The following ADAMTSL1 variants were observed in gnomAD, a reference collection of about 807,000 sequenced individuals.
The protein encoded by ADAMTSL1 is ADAMTS like 1, also known as ADAMTS-like protein 1.
Under a neutral mutation model 201.8 loss-of-function variants are expected in ADAMTSL1, and 126 were observed. The ratio of observed to expected loss-of-function variants is 0.62; its 90% CI spans 0.54 to 0.72. ADAMTSL1 has a LOEUF of 0.72. Ranked by LOEUF, ADAMTSL1 falls within the 30% of genes least tolerant of loss-of-function variation. The pLI, the probability that ADAMTSL1 is intolerant of heterozygous loss-of-function variation, is 0.00. For synonymous variants in ADAMTSL1, 1,121 were observed against 903.4 expected (o/e 1.24, Z -4.32); for missense variants, 2,679 against 2,277.8 (o/e 1.18, Z -3.59).
Position 18,793,210 on chromosome 9 carries a change from T to C in ADAMTSL1, c.3678-2187T>C, listed in dbSNP as rs192749088. 9.8e-5 allele frequency: 15 copies of C among 152,350 alleles called. No individual in the cohort carries two copies. In the East Asian group the frequency reaches 1.9e-3, roughly 20 times the overall value. 9.4% of individuals were successfully genotyped at this position (152,350 alleles called of 1,614,324 possible). On this transcript the variant is annotated intron_variant, in intron 19 of 28. Coordinates refer to ENST00000380548, the MANE Select transcript of ADAMTSL1 (RefSeq NM_001040272.6). ...CTAGAGCTGCCCATATATAACTCGA[T>C]TGATTGATGGAAGCCTTACTTCTAC... is the stretch of plus-strand genomic sequence containing the variant.
intron 2 of ADAMTSL1, among the ~76,000 whole-genome samples, chr9:18,224,951 C>G (rs66723320): frequency 0.055 from 8,380 of 152,008 alleles, 269 homozygotes; most frequent in Middle Eastern, 0.11. Context: ...TTATAAATAC[C>G]TCATTATCAG....
intron 2 of ADAMTSL1, among the ~76,000 whole-genome samples, chr9:18,436,353 C>T (rs184850566): frequency 6.6e-6 from 1 of 152,308 alleles, no homozygotes; most frequent in East Asian, 1.9e-4. Flanking sequence ...ATCCCATGCA[C>T]CTCCTCAAGC....
chr9:18,051,941 C>G lies in ADAMTSL1; in HGVS notation c.88-111921C>G, dbSNP rs140950633. Among the ~76,000 whole-genome samples, 671 of 152,326 alleles carry G rather than the reference C, an allele frequency of 4.4e-3. 10 individuals carry two copies. The highest frequency in any genetic ancestry group is 0.015 in the African/African-American group (642 of 41,564). On this transcript the variant is annotated intron_variant, in intron 1 of 29. Transcript: ENST00000680146. ...AGTGTTTCTTTCACTTTATTGGTTA[C>G]CTGAGTCTGTGGATATAGGGAAGCA...
At chr9:18,858,550 C>T (rs541966936) in intron 23 of ADAMTSL1, among the ~76,000 whole-genome samples, 59 of 152,296 alleles carry the variant, frequency 3.9e-4, no homozygotes, top group South Asian at 2.1e-3. Flanking sequence ...TGAACAGAAA[C>T]CCTATTGTTT....
chr9:18,198,892 A>G (rs1391124289), intron 2 of ADAMTSL1, among the ~76,000 whole-genome samples: 1 of 142,440 alleles, frequency 7.0e-6, no homozygotes, highest in Non-Finnish European at 1.5e-5. Flanking sequence ...GGATTAAGAA[A>G]ATGTGGCACA....
intron 1 of ADAMTSL1, among the ~76,000 whole-genome samples, chr9:17,927,999 T>C (rs4007671): frequency 0.86 from 105,994 of 123,866 alleles, 44,199 homozygotes; most frequent in East Asian, 0.93. Context: ...TTCTTTCTTT[T>C]TTTTTTTTTT....
intron 1 of ADAMTSL1, among the ~76,000 whole-genome samples, chr9:17,938,193 A>C (rs1472098045): frequency 6.6e-6 from 1 of 152,164 alleles, no homozygotes; most frequent in Admixed American, 6.5e-5. Flanking sequence ...GGGTGTGTGC[A>C]TAAGCTGAGC....
chr9:18,473,314 A>T (rs1330442028), upstream of ADAMTSL1, among the ~76,000 whole-genome samples: 1 of 152,170 alleles, frequency 6.6e-6, no homozygotes, highest in Non-Finnish European at 1.5e-5. Flanking sequence ...AGTGCATCAA[A>T]ACCAGGCTGC....
chr9:18,198,034 C>T (rs1829264302), intron 2 of ADAMTSL1, among the ~76,000 whole-genome samples: 1 of 152,218 alleles, frequency 6.6e-6, no homozygotes, highest in South Asian at 2.1e-4. Context: ...ATGAATGGTG[C>T]TGGGAAAACT....
intron 23 of ADAMTSL1, among the ~76,000 whole-genome samples, chr9:18,880,647 C>A (rs924632297): frequency 3.3e-5 from 5 of 152,176 alleles, no homozygotes; most frequent in African/African-American, 9.7e-5. Flanking sequence ...TTATAGAGCA[C>A]AGGCAGATTA....
chr9:18,770,454 A>G, intron 16 of ADAMTSL1, 148 bp from the exon 17 acceptor site: 1 of 819,492 alleles, frequency 1.2e-6, no homozygotes, highest in East Asian at 2.7e-5. Flanking sequence ...GAGAAGAAAC[A>G]AAATCCTTTG....
At chr9:18,632,120 C>A (rs1219721343) in intron 5 of ADAMTSL1, among the ~76,000 whole-genome samples, 1 of 152,190 alleles carries the variant, frequency 6.6e-6, no homozygotes, top group Non-Finnish European at 1.5e-5. Flanking sequence ...ACCAAGGAGG[C>A]AGGTGTTGCC....
chr9:18,393,962 T>G (rs1255442834), intron 2 of ADAMTSL1, among the ~76,000 whole-genome samples: 1 of 152,202 alleles, frequency 6.6e-6, no homozygotes, highest in Non-Finnish European at 1.5e-5. Flanking sequence ...GTAAGCCAGT[T>G]TAAATAAGGT....
chr9:18,027,195 T>C (rs1000300687), intron 1 of ADAMTSL1, among the ~76,000 whole-genome samples: 2 of 151,850 alleles, frequency 1.3e-5, no homozygotes, highest in Non-Finnish European at 2.9e-5. Flanking sequence ...TGTATAGATT[T>C]TTGGGTCTGT....
intron 23 of ADAMTSL1, among the ~76,000 whole-genome samples, chr9:18,855,127 C>T (rs1826760159): frequency 6.6e-6 from 1 of 152,142 alleles, no homozygotes. Flanking sequence ...GTTTTCCATT[C>T]CACAGAGCCT....
chr9:18,022,057 C>G (rs1820499291), intron 1 of ADAMTSL1, among the ~76,000 whole-genome samples: 1 of 152,082 alleles, frequency 6.6e-6, no homozygotes. Flanking sequence ...CTAACATTCA[C>G]AGTACTCATT....
At chr9:18,556,886 G>A (rs1433531969) in intron 3 of ADAMTSL1, among the ~76,000 whole-genome samples, 2 of 151,982 alleles carry the variant, frequency 1.3e-5, no homozygotes, top group African/African-American at 4.8e-5. Context: ...CTTCAGTTTG[G>A]AAAGAATTGT....
chr9:18,262,460 C>T (rs911650342), intron 2 of ADAMTSL1, among the ~76,000 whole-genome samples: 13 of 152,166 alleles, frequency 8.5e-5, no homozygotes, highest in African/African-American at 1.4e-4. Context: ...AATGTATACA[C>T]TGTTGGCCAA....
At chr9:18,417,836 C>G (rs538658096) in intron 2 of ADAMTSL1, among the ~76,000 whole-genome samples, 8 of 152,168 alleles carry the variant, frequency 5.3e-5, no homozygotes, top group Non-Finnish European at 1.0e-4. Context: ...TCTCTTCCAG[C>G]AGGTAAAAAT....
Sources: gnomAD v4.1 joint callset for allele counts (sites outside exome capture counted in the v4.1 genomes callset) on GRCh38, gnomAD v4.1.1 for gene constraint, MANE v1.5 for transcripts, NCBI Gene and HGNC (gene_info 2026-07-23, HGNC 2026-07-21) for gene names.